The following WDR44 variants were observed in gnomAD, a reference collection of about 807,000 sequenced individuals.
WDR44 encodes WD repeat domain 44.
WDR44 carries 9 observed loss-of-function variants against 65.7 expected under a neutral mutation model. The observed-to-expected ratio is 0.14, with a 90% CI of 0.08 to 0.24. The LOEUF is 0.24. Ranked by LOEUF, WDR44 falls within the 10% of genes least tolerant of loss-of-function variation. The pLI, the probability that WDR44 is intolerant of heterozygous loss-of-function variation, is 1.00. For synonymous variants in WDR44, 220 were observed against 235.2 expected, an observed-to-expected ratio of 0.94 and a Z score of 0.59; for missense variants, 425 against 670.9, an observed-to-expected ratio of 0.63 and a Z score of 4.05.
At chrX:118,430,011 C>T (rs971277206) in intron 12 of WDR44, among the ~76,000 whole-genome samples, 7 of 111,189 alleles carry the variant, frequency 6.3e-5, no homozygotes, top group African/African-American at 2.3e-4. Flanking sequence ...AATGATTAAT[C>T]GTGATGCATC....
In WDR44 at chrX:118,404,449, G is replaced by C; in HGVS notation, c.1381+5G>C. The C allele has an allele frequency of 8.8e-7, 1 of 1,134,115 alleles. No homozygotes were observed. The highest frequency in any genetic ancestry group is 1.2e-6 in the Non-Finnish European group (1 of 837,934). The allele number at this position is 1,134,115 out of a possible 1,213,427, so 93.5% of individuals were successfully genotyped here. A position where few individuals can be genotyped will look rare whatever the true frequency, so the allele number is the denominator to read the frequency against. Reference sequence around the variant, plus strand: ...TTAAAAGTGTTAGAGATGAAGGTGAGTTAAAACAGAACATTTCAACTAAAC... The same window carrying C: ...TTAAAAGTGTTAGAGATGAAGGTGACTTAAAACAGAACATTTCAACTAAAC... On this transcript the variant is annotated splice_donor_5th_base_variant and intron_variant, in intron 9 of 19. Coordinates refer to ENST00000254029, the MANE Select transcript of WDR44 (RefSeq NM_019045.5).
intron 17 of WDR44, among the ~76,000 whole-genome samples, 159 bp downstream of exon 17, chrX:118,442,839 T>C (rs190097118): frequency 1.1e-4 from 12 of 112,105 alleles, no homozygotes; most frequent in Admixed American, 8.6e-4. Context: ...CTATATAGTA[T>C]ATAGAATTCG....
At chrX:118,362,514 A>G (rs1180005005) in intron 1 of WDR44, among the ~76,000 whole-genome samples, 1 of 111,532 alleles carries the variant, frequency 9.0e-6, no homozygotes, top group Non-Finnish European at 1.9e-5. Context: ...CTGTTTATAT[A>G]CCTTCCTGCT....
chrX:118,447,875 A>T (rs865801031), intron 19 of WDR44, among the ~76,000 whole-genome samples: 2 of 54,807 alleles, frequency 3.6e-5, no homozygotes. Context: ...CTCTATCTAA[A>T]ATATATATAT....
At chrX:118,359,018 G>A (rs1434957048) in intron 1 of WDR44, among the ~76,000 whole-genome samples, 1 of 110,259 alleles carries the variant, frequency 9.1e-6, no homozygotes. Flanking sequence ...AGGTTGCAGT[G>A]AGCCAAGATC....
At chrX:118,416,807 C>T (rs6646198) in intron 12 of WDR44, among the ~76,000 whole-genome samples, 17,519 of 110,506 alleles carry the variant, frequency 0.16, 2,500 homozygotes, top group African/African-American at 0.44. Flanking sequence ...CAACTATTAT[C>T]GTGTTGCCGT....
intron 1 of WDR44, among the ~76,000 whole-genome samples, chrX:118,372,711 A>G (rs922519423): frequency 8.9e-6 from 1 of 112,331 alleles, no homozygotes; most frequent in Non-Finnish European, 1.9e-5. Flanking sequence ...CTGGTTTCCC[A>G]GCTCAATGCA....
chrX:118,443,233 C>T (rs896052114), intron 17 of WDR44, among the ~76,000 whole-genome samples: 1 of 111,710 alleles, frequency 9.0e-6, no homozygotes, highest in African/African-American at 3.3e-5. Context: ...GTTTTCTTAC[C>T]AGTTCTTTTT....
intron 1 of WDR44, among the ~76,000 whole-genome samples, chrX:118,364,959 G>A (rs917477843): frequency 8.9e-6 from 1 of 112,029 alleles, no homozygotes; most frequent in Admixed American, 9.5e-5. Context: ...CTTCTGGTTA[G>A]CCATCCTTAG....
At chrX:118,368,005 G>GT (rs1375026727) in intron 1 of WDR44, among the ~76,000 whole-genome samples, 3 of 111,424 alleles carry the variant, frequency 2.7e-5, no homozygotes, top group African/African-American at 9.8e-5. Context: ...ATAGACTACT[G>GT]TTATATATTT....
chrX:118,352,985 C>T (rs2056427902), intron 1 of WDR44, among the ~76,000 whole-genome samples: 1 of 111,909 alleles, frequency 8.9e-6, no homozygotes, highest in African/African-American at 3.3e-5. Flanking sequence ...AGAAATACCT[C>T]AAATCAAAGT....
chrX:118,444,818 T>A (rs113378283), intron 19 of WDR44, among the ~76,000 whole-genome samples: 7,938 of 110,073 alleles, frequency 0.072, 706 homozygotes, highest in African/African-American at 0.25. Context: ...CAGGCTGGTC[T>A]CAAACTTCTG....
Position 118,436,711 on chromosome X carries a change from C to G in WDR44, c.1861C>G (p.Leu621Val), listed in dbSNP as rs1217664662. The change falls in exon 14 of 20, where the codon CTT becomes GTT. Residue 621 changes from leucine (L) to valine (V), a missense_variant. By Grantham distance (32) the Leu-to-Val change is conservative. Transcript: ENST00000254029. ...GTCATTTTCCCCATAGAACTACTTTCTTCTTTCTTCTTCAATGGATAAAAC... is the reference window on the plus strand; with the variant it reads ...GTCATTTTCCCCATAGAACTACTTTGTTCTTTCTTCTTCAATGGATAAAAC... ...LDLSWSKNYFLLSSSMDKTVR... is the reference protein window; with the variant it reads ...LDLSWSKNYFVLSSSMDKTVR... The G allele has an allele frequency of 2.5e-6, 3 of 1,191,337 alleles. No homozygotes were observed. The highest frequency in any genetic ancestry group is 2.3e-5 in the Admixed American group (1 of 43,991).
At chrX:118,435,631 A>G (rs1190118991) in intron 13 of WDR44, among the ~76,000 whole-genome samples, 1 of 112,622 alleles carries the variant, frequency 8.9e-6, no homozygotes, top group Non-Finnish European at 1.9e-5. Context: ...GCCATAGGTT[A>G]AGTTTTTATA....
intron 12 of WDR44, among the ~76,000 whole-genome samples, chrX:118,431,712 T>C (rs745538895): frequency 3.3e-4 from 37 of 112,236 alleles, no homozygotes; most frequent in Non-Finnish European, 6.0e-4. Context: ...TCCCTAAATA[T>C]GCGAGGCTTA....
At chrX:118,368,003 C>G (rs1162898742) in intron 1 of WDR44, among the ~76,000 whole-genome samples, 1 of 111,556 alleles carries the variant, frequency 9.0e-6, no homozygotes, top group Non-Finnish European at 1.9e-5. Flanking sequence ...AAATAGACTA[C>G]TGTTATATAT....
intron 1 of WDR44, among the ~76,000 whole-genome samples, chrX:118,352,266 C>T (rs2802618): frequency 0.22 from 18,700 of 85,737 alleles, 2,421 homozygotes; most frequent in African/African-American, 0.34. Context: ...CCTCCCACCT[C>T]AGCCTCCCAA....
rs952486201 is a variant in WDR44, at chrX:118,432,798, T to G, written c.1755T>G (p.Asp585Glu). The G allele has an allele frequency of 3.3e-6, 4 of 1,209,111 alleles. No individual in the cohort carries two copies. In the Admixed American group the frequency reaches 6.6e-5, roughly 20 times the overall value. Residue 585 changes from aspartate (D) to glutamate (E), a missense_variant, in exon 13 of 20, where the codon GAT becomes GAG. Asp to Glu is a conservative substitution (Grantham distance 45). Transcript: ENST00000254029. ...CCAAATAGGTATGCAGTGGAACTGA[T>G]GAAGACCCTGATGATAAAAACGCAC... is the stretch of plus-strand genomic sequence containing the variant. The part of the protein sequence containing the change: ...DTDTGVCSGT[D>E]EDPDDKNAPF...
chrX:118,444,216 T>A, intron 18 of WDR44, 144 bp from the exon 19 acceptor site: 1 of 637,134 alleles, frequency 1.6e-6, no homozygotes, highest in South Asian at 4.7e-5. Context: ...TATATGTGAT[T>A]TTTTTTAGAA....
Sources: allele counts gnomAD v4.1 joint callset (sites outside exome capture counted in the v4.1 genomes callset), GRCh38; gene constraint gnomAD v4.1.1; transcripts MANE v1.5; gene names NCBI Gene and HGNC (gene_info 2026-07-23, HGNC 2026-07-21).